EIPR1: variants seen among roughly 807,000 people sequenced by gnomAD.
EIPR1 encodes the protein EARP complex and GARP complex interacting protein 1.
Under a neutral mutation model 48.1 loss-of-function variants are expected in EIPR1, and 25 were observed. The ratio of observed to expected loss-of-function variants is 0.52; its 90% confidence interval spans 0.38 to 0.73. EIPR1 has a LOEUF of 0.73. Among genes scored for constraint, EIPR1 ranks in the 30% least tolerant of loss-of-function variants. The probability of loss-of-function intolerance (pLI) is 0.00; values close to 1 mark genes in which losing one functional copy is unlikely to be tolerated. For synonymous variants in EIPR1, 204 were observed against 201.9 expected, an observed-to-expected ratio of 1.01 and a Z score of -0.09; for missense variants, 415 against 506.2, an observed-to-expected ratio of 0.82 and a Z score of 1.73.
chr2:3,299,019 A>C (rs536759175), intron 3 of EIPR1, among the ~76,000 whole-genome samples: 25 of 152,158 alleles, frequency 1.6e-4, no homozygotes, highest in Non-Finnish European at 3.4e-4. Context: ...CCCGCTTAAC[A>C]GCCCCACAGA....
chr2:3,327,758 A>G (rs1223516409), intron 3 of EIPR1, among the ~76,000 whole-genome samples: 2 of 152,198 alleles, frequency 1.3e-5, no homozygotes, highest in African/African-American at 2.4e-5. Flanking sequence ...TCAGACCTAC[A>G]GTTCCCAGTG....
rs1477258364 is a variant in EIPR1 at position 3,354,560 on chromosome 2, T to C, written c.116A>G (p.Tyr39Cys). The C allele has an allele frequency of 1.9e-6, 3 of 1,614,064 alleles. No individual in the cohort carries two copies. The highest frequency in any genetic ancestry group is 2.5e-6 in the Non-Finnish European group (3 of 1,179,954). Residue 39 changes from tyrosine to cysteine, a missense_variant, in exon 2 of 9, where the codon TAT (tyrosine) becomes TGT (cysteine). Transcript: ENST00000382125. ...GTCAAAAATAGTTACCTGATTATCA[T>C]ATTTAAGAGACTGCGTCCCAACCAA... ...RFLVGTQSLK[Y>C]DNQIHIIDFD...
rs1006492420 is a variant in EIPR1 at position 3,189,124 on chromosome 2, C to T, written c.*210G>A. 8 of 426,052 alleles carry T rather than the reference C, an allele frequency of 1.9e-5. No individual in the cohort carries two copies. The highest frequency in any genetic ancestry group is 1.0e-4 in the South Asian group (1 of 9,732). The allele number at this position is 426,052 out of a possible 1,614,324, so 26.4% of individuals were successfully genotyped here. On this transcript the variant is annotated 3_prime_UTR_variant, in exon 9 of 9. Transcript: ENST00000382125. The surrounding 1 kb of genome is among the most constrained non-coding windows in gnomAD (Gnocchi z 4.6). The stretch of plus-strand genomic sequence containing the variant: ...TAATAATGTGGGGCTCTGTCTCTGC[C>T]GACAGGGGCTGGGTTCGGGCATTAG...
At chr2:3,226,326 G>A (rs897610828) in intron 4 of EIPR1, among the ~76,000 whole-genome samples, 1 of 152,176 alleles carries the variant, frequency 6.6e-6, no homozygotes, top group African/African-American at 2.4e-5. Flanking sequence ...ACAGGTGTGA[G>A]GTGATGTCTC....
chr2:3,285,275 C>T (rs905900491), intron 3 of EIPR1, among the ~76,000 whole-genome samples: 3 of 152,032 alleles, frequency 2.0e-5, no homozygotes, highest in African/African-American at 7.2e-5. Context: ...AAAGTCAGGG[C>T]TGGGGTCAGA....
intron 1 of EIPR1, among the ~76,000 whole-genome samples, chr2:3,373,717 T>C (rs1171577488): frequency 2.0e-5 from 3 of 152,078 alleles, no homozygotes; most frequent in Non-Finnish European, 4.4e-5. Flanking sequence ...CACTGCTCAA[T>C]GAAATAGAAG....
chr2:3,213,242 T>G (rs1286220627), intron 5 of EIPR1, among the ~76,000 whole-genome samples: 1 of 152,244 alleles, frequency 6.6e-6, no homozygotes, highest in African/African-American at 2.4e-5. Context: ...TTCAAAGTTC[T>G]TCCACTTCCT....
At chr2:3,225,222 A>ATGTGTGTG (rs61557621) in intron 4 of EIPR1, among the ~76,000 whole-genome samples, 25,371 of 136,642 alleles carry the variant, frequency 0.19, 2,761 homozygotes, top group Non-Finnish European at 0.23. Flanking sequence ...ACACTGTGAT[A>ATGTGTGTG]TGTGTGTGTG....
intron 1 of EIPR1, among the ~76,000 whole-genome samples, chr2:3,369,570 A>G (rs2103391580): frequency 6.6e-6 from 1 of 152,334 alleles, no homozygotes; most frequent in East Asian, 1.9e-4. Flanking sequence ...GAAACAGCGC[A>G]CCAGGAGATT....
At position 3,279,756 on chromosome 2, in the gene EIPR1, C is replaced by T. The variant is rs114393568; in HGVS notation, c.260-22301G>A. 7.2e-3 allele frequency among the ~76,000 whole-genome samples: 1,091 copies of T among 152,338 alleles called. 14 individuals are homozygous for T. Among genetic ancestry groups the T allele is most frequent in the African/African-American group, 0.025 (1,054 of 41,570 alleles). On this transcript the variant is annotated intron_variant, in intron 3 of 8. Coordinates refer to ENST00000382125, the MANE Select transcript of EIPR1 (RefSeq NM_003310.5). ...GCAGGAGGCTGCTCCGCTGACCTGA[C>T]GCGCAGAGCTGTGAGGTGAACCAAC... is the stretch of plus-strand genomic sequence containing the variant.
intron 1 of EIPR1, among the ~76,000 whole-genome samples, chr2:3,362,835 C>T (rs936777599): frequency 6.6e-6 from 1 of 152,168 alleles, no homozygotes; most frequent in East Asian, 1.9e-4. Context: ...AGGGAGCAGT[C>T]CCTAGACCAC....
intron 1 of EIPR1, among the ~76,000 whole-genome samples, chr2:3,364,405 G>GGATT (rs1670924997): frequency 6.6e-6 from 1 of 152,130 alleles, no homozygotes; most frequent in Non-Finnish European, 1.5e-5. Context: ...CAAGGCAGGA[G>GGATT]GATTGCTTGA....
At chr2:3,263,856 T>TA (rs1222627253) in intron 3 of EIPR1, among the ~76,000 whole-genome samples, 8 of 152,232 alleles carry the variant, frequency 5.3e-5, no homozygotes, top group Admixed American at 4.6e-4. Context: ...ACTTTCTAAT[T>TA]AAAAAATGCA....
Position 3,355,166 on chromosome 2 carries a change from G to A in EIPR1, c.43-533C>T, listed in dbSNP as rs187565711. 1.4e-3 allele frequency among the ~76,000 whole-genome samples: 220 copies of A among 152,320 alleles called. 1 individual carries two copies. Among genetic ancestry groups the A allele is most frequent in the Non-Finnish European group, 2.6e-3 (180 of 68,022 alleles). ...GGGGGGAAGCCCAGCACCTGGTCAC[G>A]CTTCACCTAAAGGCACCTGCCAGTC... is the stretch of plus-strand genomic sequence containing the variant. On this transcript the variant is annotated intron_variant, in intron 1 of 8. Transcript: ENST00000382125.
intron 4 of EIPR1, among the ~76,000 whole-genome samples, chr2:3,236,041 T>C (rs1240841991): frequency 6.6e-6 from 1 of 152,102 alleles, no homozygotes; most frequent in African/African-American, 2.4e-5. Context: ...CCTGTTGACA[T>C]GCTAAGAGCG....
At chr2:3,276,026 C>T (rs1044130968) in intron 3 of EIPR1, among the ~76,000 whole-genome samples, 1 of 152,036 alleles carries the variant, frequency 6.6e-6, no homozygotes, top group Non-Finnish European at 1.5e-5. Flanking sequence ...TAACCTTAAG[C>T]AAATAAGTAT....
intron 1 of EIPR1, among the ~76,000 whole-genome samples, chr2:3,370,153 C>T (rs1322152275): frequency 5.9e-5 from 9 of 152,296 alleles, no homozygotes; most frequent in South Asian, 2.1e-4. Flanking sequence ...CTCTAGCAAA[C>T]TCCAACAGAC....
chr2:3,196,881 C>T lies in EIPR1; in HGVS notation c.653G>A (p.Ser218Asn), dbSNP rs774900260. 3.7e-6 allele frequency: 6 copies of T among 1,613,374 alleles called. No individual in the cohort carries two copies. The highest frequency in any genetic ancestry group is 1.1e-5 in the South Asian group (1 of 90,944). Residue 218 changes from serine (S) to asparagine (N), a missense_variant and splice_region_variant, in exon 6 of 9, where the codon AGC becomes AAC. Transcript: ENST00000382125. ...TLRGWDTRSMSQIYCIENAHG... is the reference protein window; with the variant it reads ...TLRGWDTRSMNQIYCIENAHG... ...GCCTGCGCCGGGTGGGCTCACTGACCTCATGCTCCGGGTGTCCCAGCCACG... is the reference window on the plus strand; with the variant it reads ...GCCTGCGCCGGGTGGGCTCACTGACTTCATGCTCCGGGTGTCCCAGCCACG...
At chr2:3,322,285 G>GC (rs1669560428) in intron 3 of EIPR1, among the ~76,000 whole-genome samples, 2 of 152,188 alleles carry the variant, frequency 1.3e-5, no homozygotes, top group Non-Finnish European at 2.9e-5. Context: ...GCTCATGTCT[G>GC]CCCCATTAGA....
Sources: gnomAD v4.1 joint callset for allele counts (sites outside exome capture counted in the v4.1 genomes callset) on GRCh38, gnomAD v4.1.1 for gene constraint, Gnocchi (gnomAD v3.1) non-coding constraint, MANE v1.5 for transcripts, NCBI Gene and HGNC (gene_info 2026-07-23, HGNC 2026-07-21) for gene names.